Variants in HS3ST5 observed in about 807,000 individuals in gnomAD.
HS3ST5 encodes heparan sulfate glucosamine 3-O-sulfotransferase 5.
A neutral mutation model predicts 25.4 loss-of-function variants in HS3ST5; 10 were observed. That is an observed-to-expected ratio of 0.39 (90% CI 0.24 to 0.67). HS3ST5 has a LOEUF of 0.67. Among genes scored for constraint, HS3ST5 ranks in the 30% least tolerant of loss-of-function variants. The pLI is 0.44. For synonymous variants in HS3ST5, 170 were observed against 162.4 expected (o/e 1.05, Z -0.36); for missense variants, 324 against 420.7 (o/e 0.77, Z 2.01).
intron 4 of HS3ST5, 43 bp downstream of exon 4, chr6:114,062,696 C>T (rs1385191940): frequency 4.7e-6 from 6 of 1,266,030 alleles, no homozygotes; most frequent in East Asian, 2.3e-5. Context: ...TTAAATCAAG[C>T]CTTAATGTCA....
At chr6:114,136,192 A>C (rs1213432514) in intron 3 of HS3ST5, among the ~76,000 whole-genome samples, 1 of 152,174 alleles carries the variant, frequency 6.6e-6, no homozygotes, top group Non-Finnish European at 1.5e-5. Flanking sequence ...TCCCCACCTA[A>C]ATCTCATCTT....
intron 3 of HS3ST5, among the ~76,000 whole-genome samples, chr6:114,117,118 C>T: frequency 6.6e-6 from 1 of 152,048 alleles, no homozygotes; most frequent in African/African-American, 2.4e-5. Flanking sequence ...TGGAAAATAA[C>T]TAATTAATTA....
intron 1 of HS3ST5, among the ~76,000 whole-genome samples, chr6:114,233,021 C>T (rs1771677242): frequency 1.3e-5 from 2 of 151,328 alleles, no homozygotes; most frequent in Non-Finnish European, 1.5e-5. Flanking sequence ...TGATCCCTGT[C>T]TAACTCTCTA....
At chr6:114,258,639 A>G (rs2114658482) in intron 1 of HS3ST5, among the ~76,000 whole-genome samples, 1 of 152,144 alleles carries the variant, frequency 6.6e-6, no homozygotes, top group African/African-American at 2.4e-5. Context: ...TCTCCCTTTA[A>G]TTGAAGCTCT....
At chr6:114,288,928 C>T (rs1462798321) in intron 1 of HS3ST5, among the ~76,000 whole-genome samples, 3 of 151,988 alleles carry the variant, frequency 2.0e-5, no homozygotes, top group South Asian at 2.1e-4. Context: ...CTGTAGCTCC[C>T]GAAGAACACA....
intron 1 of HS3ST5, among the ~76,000 whole-genome samples, chr6:114,329,060 T>C (rs150302990): frequency 6.4e-4 from 98 of 152,260 alleles, no homozygotes; most frequent in African/African-American, 2.3e-3. Flanking sequence ...TGATGGTAAT[T>C]TGTAATAGAT....
intron 4 of HS3ST5, chr6:114,058,799 A>G (rs1289119103): frequency 1.3e-5 from 2 of 151,416 alleles, no homozygotes; most frequent in Non-Finnish European, 2.9e-5. Context: ...GATAGCCAGA[A>G]GAATACTATA....
At chr6:114,339,023 A>G (rs1562280591) in intron 1 of HS3ST5, among the ~76,000 whole-genome samples, 2 of 152,132 alleles carry the variant, frequency 1.3e-5, no homozygotes, top group Admixed American at 6.5e-5. Flanking sequence ...CTTTTAAGCT[A>G]TTCACCTGTA....
At chr6:114,084,034 A>G in intron 3 of HS3ST5, 1 of 559,562 alleles carries the variant, frequency 1.8e-6, no homozygotes, top group Non-Finnish European at 3.1e-6. Context: ...ATATTGTACA[A>G]ACACTTGGTC....
intron 1 of HS3ST5, among the ~76,000 whole-genome samples, chr6:114,255,146 A>T (rs2114642190): frequency 6.6e-6 from 1 of 152,300 alleles, no homozygotes; most frequent in African/African-American, 2.4e-5. Flanking sequence ...TGAATAATAT[A>T]CCCATTTTAA....
chr6:114,064,982 G>C (rs1212875276), intron 3 of HS3ST5, among the ~76,000 whole-genome samples: 2 of 152,116 alleles, frequency 1.3e-5, no homozygotes, highest in African/African-American at 4.8e-5. Flanking sequence ...GAGGGAAAGA[G>C]AGAAAGGATT....
In HS3ST5 at chr6:114,062,785, C is replaced by T. The variant is rs563950628; in HGVS notation, c.61G>A (p.Val21Ile). 1.7e-5 allele frequency: 28 copies of T among 1,614,120 alleles called. No individual in the cohort carries two copies. The highest frequency in any genetic ancestry group is 1.4e-4 in the South Asian group (13 of 91,088). The change falls in exon 4 of 5, where the codon GTT becomes ATT. Residue 21 changes from valine (V) to isoleucine (I), a missense_variant. Physicochemically the swap from Val to Ile is conservative, Grantham distance 29. Transcript: ENST00000312719. Reference protein sequence around the residue: ...QKLLVLGSLAVGSLLYLVARV... With the variant: ...QKLLVLGSLAIGSLLYLVARV... ...GCGACTAGATACAGGAGACTCCCAA[C>T]GGCAAGGCTTCCCAGCACCAGGAGC...
At position 114,079,969 on chromosome 6, in the gene HS3ST5, G is replaced by T. The variant is rs985271347; in HGVS notation, c.-32-17092C>A. 5.3e-5 allele frequency among the ~76,000 whole-genome samples: 8 copies of T among 151,980 alleles called. No homozygotes were observed. In the South Asian group the frequency reaches 1.0e-3, roughly 20 times the overall value. ...TTTGTTTTTTTTTAGTAGAGATAGG[G>T]TTTCTCCATGTTGGTCAGGCTGGTC... On this transcript the variant is annotated intron_variant, in intron 3 of 4. Transcript: ENST00000312719.
At chr6:114,218,028 C>T (rs532007471) in intron 2 of HS3ST5, among the ~76,000 whole-genome samples, 14 of 152,180 alleles carry the variant, frequency 9.2e-5, no homozygotes, top group Admixed American at 5.9e-4. Context: ...GACAGAGTGT[C>T]GCTCTGTCAC....
intron 3 of HS3ST5, among the ~76,000 whole-genome samples, chr6:114,166,189 G>A (rs1191707077): frequency 6.6e-6 from 1 of 151,576 alleles, no homozygotes; most frequent in Admixed American, 6.6e-5. Flanking sequence ...TCTACTGAGA[G>A]TCTATGAAGC....
rs565170080 is a variant in HS3ST5, at chr6:114,181,988, A to G, written c.-144-13526T>C. Among the ~76,000 whole-genome samples, 11 of 152,242 alleles carry G rather than the reference A, an allele frequency of 7.2e-5. No individual in the cohort carries two copies. The South Asian group carries it at 1.9e-3, about 26-fold the overall frequency. On this transcript the variant is annotated intron_variant, in intron 2 of 4. Coordinates refer to ENST00000312719, the MANE Select transcript of HS3ST5 (RefSeq NM_153612.4). ...TTTCCTTATATGTTTCCTTAGCTTT[A>G]TATTTTAAGATATGATAATGTGTTT...
chr6:114,323,979 T>C (rs1314861681), intron 1 of HS3ST5, among the ~76,000 whole-genome samples: 1 of 152,110 alleles, frequency 6.6e-6, no homozygotes, highest in Non-Finnish European at 1.5e-5. Flanking sequence ...AGAAGACCCC[T>C]GCAGGGTCTT....
At chr6:114,092,853 T>G (rs1775203161) in intron 3 of HS3ST5, among the ~76,000 whole-genome samples, 1 of 151,940 alleles carries the variant, frequency 6.6e-6, no homozygotes. Flanking sequence ...TTTTGTATTT[T>G]CAGTAGAGAT....
intron 1 of HS3ST5, among the ~76,000 whole-genome samples, chr6:114,237,123 T>A (rs1277114328): frequency 1.3e-5 from 2 of 152,190 alleles, no homozygotes; most frequent in Non-Finnish European, 2.9e-5. Context: ...AATCAAAGAC[T>A]AATGTATTTT....
Sources: allele counts gnomAD v4.1 joint callset (sites outside exome capture counted in the v4.1 genomes callset), GRCh38; gene constraint gnomAD v4.1.1; transcripts MANE v1.5; gene names NCBI Gene and HGNC (gene_info 2026-07-23, HGNC 2026-07-21).